AXIN2: variants seen among roughly 807,000 people sequenced by gnomAD.
AXIN2 encodes the protein axin-2.
In AXIN2, 21 loss-of-function variants were observed where a neutral mutation model predicts 74.7. The ratio of observed to expected loss-of-function variants is 0.28; its 90% CI spans 0.20 to 0.40. The LOEUF is 0.40. AXIN2 is among the 10% of genes least tolerant of loss of function. AXIN2 has a pLI of 1.00. For missense variants in AXIN2, 1,144 were observed against 1,111.1 expected (o/e 1.03, Z -0.42); for synonymous variants, 532 against 454.9 (o/e 1.17, Z -2.16).
chr17:65,540,422 T>A (rs1239083846), intron 4 of AXIN2, among the ~76,000 whole-genome samples: 1 of 152,180 alleles, frequency 6.6e-6, no homozygotes, highest in Non-Finnish European at 1.5e-5. Context: ...CACCAAGCTG[T>A]AGAGAAGCAT....
intron 2 of AXIN2, among the ~76,000 whole-genome samples, chr17:65,556,956 C>T (rs1026560536): frequency 6.6e-6 from 1 of 152,130 alleles, no homozygotes; most frequent in African/African-American, 2.4e-5. Context: ...AACAGAAAAA[C>T]TCATTCTAAC....
chr17:65,530,688 A>G (rs9900785), intron 10 of AXIN2, among the ~76,000 whole-genome samples: 2,063 of 152,308 alleles, frequency 0.014, 52 homozygotes, highest in African/African-American at 0.047. Context: ...TGGCACAGCC[A>G]CACAGGAGGC....
chr17:65,537,248 C>G, intron 6 of AXIN2, 76 bp downstream of exon 6: 6 of 1,600,602 alleles, frequency 3.7e-6, no homozygotes, highest in Non-Finnish European at 5.1e-6. Flanking sequence ...TAATGCGGCT[C>G]CCACCTCACA....
At chr17:65,558,789 A>AG in intron 1 of AXIN2, 53 bp from the exon 2 acceptor site, 2 of 689,644 alleles carry the variant, frequency 2.9e-6, no homozygotes, top group Non-Finnish European at 5.0e-6. Context: ...GTATTGATCT[A>AG]ATCAAAACCA....
intron 2 of AXIN2, among the ~76,000 whole-genome samples, chr17:65,551,972 C>T (rs1051497873): frequency 3.3e-5 from 5 of 152,126 alleles, no homozygotes; most frequent in Admixed American, 6.5e-5. Flanking sequence ...GACTTGTGAC[C>T]GTCACTTGGA....
chr17:65,555,971 C>G (rs2044261355), intron 2 of AXIN2, among the ~76,000 whole-genome samples: 2 of 152,182 alleles, frequency 1.3e-5, no homozygotes, highest in Admixed American at 1.3e-4. Context: ...CAATGACAAG[C>G]TGTCACCTCT....
At chr17:65,552,059 A>G (rs1312624871) in intron 2 of AXIN2, among the ~76,000 whole-genome samples, 1 of 152,060 alleles carries the variant, frequency 6.6e-6, no homozygotes, top group Non-Finnish European at 1.5e-5. Context: ...TGAAAATTAA[A>G]TGAGAACGGT....
At chr17:65,540,421 G>C (rs2044024103) in intron 4 of AXIN2, among the ~76,000 whole-genome samples, 1 of 152,218 alleles carries the variant, frequency 6.6e-6, no homozygotes, top group Non-Finnish European at 1.5e-5. Flanking sequence ...TCACCAAGCT[G>C]TAGAGAAGCA....
At chr17:65,549,384 C>G (rs377245186) in intron 3 of AXIN2, 136 bp downstream of exon 3, 11 of 1,083,278 alleles carry the variant, frequency 1.0e-5, no homozygotes, top group East Asian at 7.7e-5. Flanking sequence ...TCATACTCCC[C>G]TCCCACCAAA....
chr17:65,538,929 C>T (rs2043995775), intron 4 of AXIN2, among the ~76,000 whole-genome samples: 1 of 152,018 alleles, frequency 6.6e-6, no homozygotes, highest in Non-Finnish European at 1.5e-5. Context: ...TCAACACTGT[C>T]CTCGATCTCC....
intron 1 of AXIN2, among the ~76,000 whole-genome samples, chr17:65,559,649 C>T (rs1406860531): frequency 6.6e-6 from 1 of 152,194 alleles, no homozygotes; most frequent in Non-Finnish European, 1.5e-5. Flanking sequence ...CACGCCACTA[C>T]TGCCTGTGCC....
chr17:65,537,488 G>A lies in AXIN2; in HGVS notation c.1548C>T (p.His516=), dbSNP rs1598098830. 1 of 1,613,934 alleles carries A rather than the reference G, an allele frequency of 6.2e-7. No homozygotes were observed. The highest frequency in any genetic ancestry group is 8.5e-7 in the Non-Finnish European group (1 of 1,180,010). Reference sequence around the variant, plus strand: ...GGACGGCATGGTGGTGGATGTAGTGGTGGTGGACATGCTTCGTCGTCTGCT... The same window carrying A: ...GGACGGCATGGTGGTGGATGTAGTGATGGTGGACATGCTTCGTCGTCTGCT... The part of the protein sequence containing the change: ...VTKQTTKHVH[H]HYIHHHAVPK... Residue 516 remains histidine, a synonymous_variant, in exon 6 of 11, where the codon CAC becomes CAT. Coordinates refer to ENST00000307078, the MANE Select transcript of AXIN2 (RefSeq NM_004655.4).
At position 65,558,011 on chromosome 17, in the gene AXIN2, C is replaced by T. The variant is rs1598119297; in HGVS notation, c.610G>A (p.Gly204Arg). 6.2e-7 allele frequency: 1 copy of T among 1,614,130 alleles called. No individual in the cohort carries two copies. The highest frequency in any genetic ancestry group is 8.5e-7 in the Non-Finnish European group (1 of 1,180,040). ...DIYLEYVRSG[G>R]ENTAYMSNGG... ...TTACTCATGTAAGCTGTGTTTTCTCCCCCACTCCTCACATATTCGAGGTAT... is the reference window on the plus strand; with the variant it reads ...TTACTCATGTAAGCTGTGTTTTCTCTCCCACTCCTCACATATTCGAGGTAT... The change falls in exon 2 of 11, where the codon GGA becomes AGA. Residue 204 changes from glycine (G) to arginine (R), a missense_variant. Around this residue, in one of 4 missense-constraint regions of AXIN2, gnomAD observed 1,053 missense variants for 973.5 expected, o/e 1.08. Coordinates refer to ENST00000307078, the MANE Select transcript of AXIN2 (RefSeq NM_004655.4).
chr17:65,535,682 C>T lies in AXIN2; in HGVS notation c.2181G>A (p.Ser727=), dbSNP rs1227518579. 6.2e-6 allele frequency: 10 copies of T among 1,614,136 alleles called. No homozygotes were observed. The highest frequency in any genetic ancestry group is 1.7e-5 in the Admixed American group (1 of 60,022). The change falls in exon 9 of 11, where the codon TCG becomes TCA. Residue 727 remains serine, a synonymous_variant. Coordinates refer to ENST00000307078, the MANE Select transcript of AXIN2 (RefSeq NM_004655.4). ...VASQQRDRNH[S]ATVQTGATPF... The stretch of plus-strand genomic sequence containing the variant: ...GTGTGGCTCCCGTCTGAACAGTGGC[C>T]GAATGATTCCTGTCCCTCTGCTGAC...
chr17:65,545,763 T>C (rs2044109539), intron 3 of AXIN2, among the ~76,000 whole-genome samples: 1 of 152,232 alleles, frequency 6.6e-6, no homozygotes, highest in African/African-American at 2.4e-5. Flanking sequence ...CAGGACTTTT[T>C]ACTTAGCAGG....
At chr17:65,533,532 T>A (rs11655966) in intron 10 of AXIN2, among the ~76,000 whole-genome samples, 94,792 of 152,012 alleles carry the variant, frequency 0.62, 31,046 homozygotes, top group Middle Eastern at 0.79. Context: ...CCTGTCCCTC[T>A]TTTTGCTCCC....
chr17:65,553,857 GGGA>G (rs2044229009), intron 2 of AXIN2, among the ~76,000 whole-genome samples: 1 of 146,286 alleles, frequency 6.8e-6, no homozygotes, highest in Non-Finnish European at 1.5e-5. Flanking sequence ...CGGGGGGGGG[GGGA>G]GGAAACTCAA....
intron 3 of AXIN2, among the ~76,000 whole-genome samples, chr17:65,548,077 T>G (rs2044140924): frequency 1.3e-5 from 2 of 152,340 alleles, no homozygotes; most frequent in South Asian, 4.1e-4. Flanking sequence ...TACCGAAATT[T>G]CAGTCAATAT....
intron 4 of AXIN2, among the ~76,000 whole-genome samples, chr17:65,540,923 C>T (rs2044032005): frequency 6.6e-6 from 1 of 152,160 alleles, no homozygotes; most frequent in African/African-American, 2.4e-5. Flanking sequence ...GCTCTGTCGC[C>T]CAGGCTGGAG....
Sources: allele counts gnomAD v4.1 joint callset (sites outside exome capture counted in the v4.1 genomes callset), GRCh38; gene constraint gnomAD v4.1.1; regional missense constraint gnomAD v4.1.1; transcripts MANE v1.5; gene names NCBI Gene and HGNC (gene_info 2026-07-23, HGNC 2026-07-21).